The following NID2 variants were observed in gnomAD, a reference collection of about 807,000 sequenced individuals.
NID2 encodes the protein nidogen-2.
Under a neutral mutation model 145.4 loss-of-function variants are expected in NID2, and 83 were observed. That is an observed-to-expected ratio of 0.57 (90% confidence interval 0.48 to 0.69). The LOEUF is 0.69. Among genes scored for constraint, NID2 ranks in the 30% least tolerant of loss-of-function variants. The pLI is 0.00. For synonymous variants in NID2, 739 were observed against 701.3 expected (o/e 1.05, Z -0.85); for missense variants, 1,807 against 1,765.7 (o/e 1.02, Z -0.42).
At chr14:52,030,483 A>AAGAAAGAAAG (rs1448917776) in intron 9 of NID2, among the ~76,000 whole-genome samples, 7 of 105,400 alleles carry the variant, frequency 6.6e-5, no homozygotes, top group African/African-American at 3.5e-5. Flanking sequence ...AGAGAAAGAA[A>AAGAAAGAAAG]AGAAAGAAAG....
Position 52,025,757 on chromosome 14 carries a change from C to T in NID2, c.2674+1444G>A, listed in dbSNP as rs374934593. On this transcript the variant is annotated intron_variant, in intron 12 of 21. Coordinates refer to ENST00000216286, the MANE Select transcript of NID2 (RefSeq NM_007361.4). ...TCCATTCCCAAGATAACCCATTAAT[C>T]CATTGATAGGGGCAGAGCTCTCATG... Among the ~76,000 whole-genome samples the T allele has an allele frequency of 1.8e-4, 27 of 152,230 alleles. 1 individual carries two copies. The highest frequency in any genetic ancestry group is 6.5e-4 in the African/African-American group (27 of 41,526).
intron 19 of NID2, 178 bp from the exon 20 acceptor site, chr14:52,006,838 G>C (rs1890804624): frequency 1.9e-6 from 1 of 516,656 alleles, no homozygotes; most frequent in Non-Finnish European, 3.3e-6. Flanking sequence ...TTTTAGTAGA[G>C]ATTCAAACTT....
chr14:52,041,518 T>C (rs966456940), intron 7 of NID2, among the ~76,000 whole-genome samples: 1 of 152,198 alleles, frequency 6.6e-6, no homozygotes, highest in African/African-American at 2.4e-5. Context: ...ATCTTCTAAA[T>C]CCTTGTTGTC....
At chr14:52,044,431 G>C (rs1892407797) in intron 5 of NID2, among the ~76,000 whole-genome samples, 1 of 151,686 alleles carries the variant, frequency 6.6e-6, no homozygotes, top group Non-Finnish European at 1.5e-5. Flanking sequence ...CACCACGCCT[G>C]ACTAATTTTT....
intron 10 of NID2, among the ~76,000 whole-genome samples, chr14:52,029,195 T>C (rs984541502): frequency 6.6e-5 from 10 of 152,216 alleles, no homozygotes; most frequent in African/African-American, 2.4e-4. Flanking sequence ...AGACACACAA[T>C]GTCTGTCTAA....
At chr14:52,017,406 C>T (rs570161148) in intron 14 of NID2, among the ~76,000 whole-genome samples, 6 of 152,012 alleles carry the variant, frequency 3.9e-5, no homozygotes, top group Non-Finnish European at 8.8e-5. Context: ...AACATGAGAC[C>T]AGTCAGAGAT....
intron 5 of NID2, among the ~76,000 whole-genome samples, chr14:52,046,866 A>T (rs1037142437): frequency 6.6e-6 from 1 of 152,212 alleles, no homozygotes; most frequent in African/African-American, 2.4e-5. Context: ...GCTTCATAAC[A>T]GCCACATGAA....
chr14:52,057,304 A>T (rs920660532), intron 3 of NID2, among the ~76,000 whole-genome samples: 15 of 152,182 alleles, frequency 9.9e-5, no homozygotes, highest in African/African-American at 3.6e-4. Context: ...TGGCCTCCCA[A>T]AGCGCTGGGA....
chr14:52,065,732 C>T (rs1181571434), intron 2 of NID2, among the ~76,000 whole-genome samples: 5 of 105,658 alleles, frequency 4.7e-5, no homozygotes, highest in Non-Finnish European at 8.9e-5. Flanking sequence ...TCAATTCCCA[C>T]CTATGAGTGA....
At chr14:52,034,717 C>T (rs1043273757) in intron 9 of NID2, among the ~76,000 whole-genome samples, 1 of 152,220 alleles carries the variant, frequency 6.6e-6, no homozygotes, top group Non-Finnish European at 1.5e-5. Flanking sequence ...AAGCACAGAA[C>T]CGCGTATCAC....
chr14:52,012,149 A>G (rs1891054883), intron 16 of NID2: 1 of 153,446 alleles, frequency 6.5e-6, no homozygotes. Context: ...TCCCAATGTC[A>G]TCAGCACTTT....
In NID2 at chr14:52,068,791, G is replaced by A; in HGVS notation, c.204C>T (p.Tyr68=). ...CGTAGAGGTTGCTGAATCGGGCTTC[G>A]TAGAAGTGCAGGGGATTCGCCAGCT... ...VVKLANPLHF[Y]EARFSNLYVG... is the part of the protein sequence containing the mutation. The change falls in exon 1 of 22, where the codon TAC becomes TAT. Residue 68 remains tyrosine, a synonymous_variant. Coordinates refer to ENST00000216286, the MANE Select transcript of NID2 (RefSeq NM_007361.4). 1 of 1,606,758 alleles carries A rather than the reference G, an allele frequency of 6.2e-7. No homozygotes were observed. The highest frequency in any genetic ancestry group is 8.5e-7 in the Non-Finnish European group (1 of 1,179,704).
chr14:52,014,621 GTTT>G (rs527560902), intron 15 of NID2, among the ~76,000 whole-genome samples, 165 bp from the exon 16 acceptor site: 335 of 152,134 alleles, frequency 2.2e-3, no homozygotes, highest in African/African-American at 7.5e-3. Flanking sequence ...AATTTCTAGG[GTTT>G]TTTTAAGGAT....
At chr14:52,012,955 T>G (rs1212954417) in intron 16 of NID2, among the ~76,000 whole-genome samples, 2 of 152,210 alleles carry the variant, frequency 1.3e-5, no homozygotes, top group East Asian at 3.9e-4. Context: ...CAAGAAAGAT[T>G]GTACAAAACG....
chr14:52,014,956 G>A, intron 15 of NID2, 98 bp downstream of exon 15: 1 of 950,320 alleles, frequency 1.1e-6, no homozygotes, highest in Non-Finnish European at 1.6e-6. Context: ...CATTAGACCT[G>A]GTGACCCCAC....
At chr14:52,045,117 A>G (rs571549660) in intron 5 of NID2, among the ~76,000 whole-genome samples, 2 of 152,208 alleles carry the variant, frequency 1.3e-5, no homozygotes, top group Non-Finnish European at 2.9e-5. Context: ...ATTAGGGGTC[A>G]CCACATGTCT....
In NID2 at chr14:52,011,591, C is replaced by G; in HGVS notation, c.3513G>C (p.Leu1171=). ...TCGTCTCAGGCTCTGCTCCCAGTTC[C>G]AGACCAGCACGGCTGATTGTCCGTC... ...VAGRTISRAG[L]ELGAEPETIV... Residue 1171 remains leucine (L), a synonymous_variant, in exon 17 of 22, where the codon CTG becomes CTC. Transcript: ENST00000216286. 1 of 1,614,208 alleles carries G rather than the reference C, an allele frequency of 6.2e-7. No homozygotes were observed. The highest frequency in any genetic ancestry group is 8.5e-7 in the Non-Finnish European group (1 of 1,180,036).
chr14:52,015,007 A>C, intron 15 of NID2, 47 bp downstream of exon 15: 4 of 1,475,952 alleles, frequency 2.7e-6, no homozygotes, highest in Non-Finnish European at 3.7e-6. Flanking sequence ...ATCCCTAGCA[A>C]AGGCCTTAGA....
intron 17 of NID2, 63 bp downstream of exon 17, chr14:52,011,491 T>TAGACAAGTCACTTGTC (rs1891018267): frequency 1.2e-6 from 2 of 1,605,704 alleles, no homozygotes. Context: ...GACTTCGGCG[T>TAGACAAGTCACTTGTC]AAAGTAGACA....
Sources: gnomAD v4.1 joint callset for allele counts (sites outside exome capture counted in the v4.1 genomes callset) on GRCh38, gnomAD v4.1.1 for gene constraint, MANE v1.5 for transcripts, NCBI Gene and HGNC (gene_info 2026-07-23, HGNC 2026-07-21) for gene names.